Variants in CDH23 observed in about 807,000 individuals in gnomAD.
The protein encoded by CDH23 is cadherin related 23, also known as cadherin-23.
In CDH23, 189 loss-of-function variants were observed where a neutral mutation model predicts 317.1. The ratio of observed to expected loss-of-function variants is 0.60; its 90% CI spans 0.53 to 0.67. The LOEUF (loss-of-function observed/expected upper bound fraction) is 0.67, where lower values mean the gene tolerates loss of function less well. CDH23 is among the 30% of genes least tolerant of loss of function. The pLI is 0.00. For missense variants in CDH23, 4,401 were observed against 4,592.4 expected (o/e 0.96, Z 1.20); for synonymous variants, 1,839 against 1,876.8 (o/e 0.98, Z 0.52).
intron 38 of CDH23, among the ~76,000 whole-genome samples, chr10:71,752,360 C>T (rs1444464434): frequency 1.3e-5 from 2 of 152,222 alleles, no homozygotes; most frequent in African/African-American, 4.8e-5. Context: ...TTCCTTCAAC[C>T]TGTCTTGAAG....
At chr10:71,544,129 C>G (rs548589704) in intron 6 of CDH23, among the ~76,000 whole-genome samples, 9 of 152,122 alleles carry the variant, frequency 5.9e-5, no homozygotes, top group Non-Finnish European at 1.3e-4. Flanking sequence ...ATTCACCTGG[C>G]TTTATTATAG....
chr10:71,795,176 G>C (rs901570394), intron 48 of CDH23, among the ~76,000 whole-genome samples: 2 of 152,162 alleles, frequency 1.3e-5, no homozygotes, highest in Non-Finnish European at 2.9e-5. Flanking sequence ...ATGACTGCCT[G>C]AGGGGAGAAG....
intron 41 of CDH23, among the ~76,000 whole-genome samples, chr10:71,783,303 CCT>C (rs1489585224): frequency 6.6e-6 from 1 of 152,204 alleles, no homozygotes; most frequent in African/African-American, 2.4e-5. Context: ...TTTCCTTCCC[CCT>C]GTCTCTTCTC....
rs760365606 is a variant in CDH23 at position 71,566,723 on chromosome 10, G to A, written c.430-19G>A. On this transcript the variant is annotated intron_variant, in intron 6 of 69. Transcript: ENST00000224721. ...TCCGCACTGGCTCACCCTTGTACTT[G>A]CTTTGCTCTCATCCCCAGAATACAC... 1 of 1,572,824 alleles carries A rather than the reference G, an allele frequency of 6.4e-7. No individual in the cohort carries two copies. Among genetic ancestry groups the A allele is most frequent in the Non-Finnish European group, 8.7e-7 (1 of 1,154,486 alleles).
intron 18 of CDH23, among the ~76,000 whole-genome samples, chr10:71,685,826 C>G (rs540512697): frequency 5.9e-5 from 9 of 152,368 alleles, no homozygotes; most frequent in African/African-American, 1.9e-4. Context: ...AGGTCACCAC[C>G]TTCAGGGTGA....
At position 71,736,474 on chromosome 10, in the gene CDH23, G is replaced by A. The variant is rs181226894; in HGVS notation, c.4209+1816G>A. On this transcript the variant is annotated intron_variant, in intron 34 of 69. Transcript: ENST00000224721. ...GACCAGAAGGGGCAGGCTGGGTAGGGCATGGCTCTGCTATAAGAGCTCTTG... is the reference window on the plus strand; with the variant it reads ...GACCAGAAGGGGCAGGCTGGGTAGGACATGGCTCTGCTATAAGAGCTCTTG... 9.3e-3 allele frequency among the ~76,000 whole-genome samples: 1,415 copies of A among 152,346 alleles called. 10 individuals are homozygous for A. The highest frequency in any genetic ancestry group is 0.014 in the Non-Finnish European group (952 of 68,026).
At chr10:71,570,956 T>C (rs771150632) in intron 8 of CDH23, 38 bp downstream of exon 8, 1 of 1,608,594 alleles carries the variant, frequency 6.2e-7, no homozygotes, top group Non-Finnish European at 8.5e-7. Flanking sequence ...AAGTCCCTTC[T>C]CAGAGGGACT....
At chr10:71,475,202 G>A (rs1414052315) in intron 3 of CDH23, among the ~76,000 whole-genome samples, 1 of 152,228 alleles carries the variant, frequency 6.6e-6, no homozygotes, top group African/African-American at 2.4e-5. Flanking sequence ...AGCACAGGGA[G>A]GCATTCACCT....
chr10:71,612,749 C>A (rs1216137150), intron 9 of CDH23, among the ~76,000 whole-genome samples: 1 of 152,184 alleles, frequency 6.6e-6, no homozygotes, highest in African/African-American at 2.4e-5. Context: ...GCCTTAGGGG[C>A]TCAGAGGACC....
In CDH23 at chr10:71,739,712, T is replaced by C. The variant is rs1262412968; in HGVS notation, c.4428T>C (p.Ile1476=). ...AGATCGTCACCACCAATGACTCCAT[T>C]GGCGAAGTGTTTGTGGCCAGGCCCC... ...AFEIVTTNDS[I]GEVFVARPLD... The change falls in exon 36 of 70, where the codon ATT becomes ATC. Residue 1476 remains isoleucine (I), a synonymous_variant. Coordinates refer to ENST00000224721, the MANE Select transcript of CDH23 (RefSeq NM_022124.6). The C allele has an allele frequency of 6.2e-7, 1 of 1,613,408 alleles. No individual in the cohort carries two copies. The highest frequency in any genetic ancestry group is 8.5e-7 in the Non-Finnish European group (1 of 1,179,744).
chr10:71,784,824 C>T, intron 42 of CDH23, 67 bp from the exon 43 acceptor site: 2 of 1,357,160 alleles, frequency 1.5e-6, no homozygotes, highest in South Asian at 1.2e-5. Context: ...CGAACCTCCT[C>T]CTCGGTTGCC....
intron 30 of CDH23, among the ~76,000 whole-genome samples, chr10:71,730,255 T>G (rs890998253): frequency 6.6e-6 from 1 of 152,184 alleles, no homozygotes; most frequent in Non-Finnish European, 1.5e-5. Context: ...TGAAGTTCAT[T>G]CCGAAACAAG....
At chr10:71,810,126 G>C in intron 61 of CDH23, 50 bp downstream of exon 61, 1 of 1,599,764 alleles carries the variant, frequency 6.3e-7, no homozygotes, top group Non-Finnish European at 8.5e-7. Context: ...AGAAGGAAGG[G>C]GAGGCCAGGC....
chr10:71,524,297 C>T (rs1854889956), intron 6 of CDH23, among the ~76,000 whole-genome samples: 1 of 152,146 alleles, frequency 6.6e-6, no homozygotes, highest in Admixed American at 6.5e-5. Context: ...CCGTCCCTGC[C>T]CTCAGGGAGC....
At position 71,679,498 on chromosome 10, in the gene CDH23, T is replaced by C. The variant is rs745522676; in HGVS notation, c.1858+6T>C. On this transcript the variant is annotated splice_donor_region_variant and intron_variant, in intron 17 of 69. Transcript: ENST00000224721. ...CCTGTACGAGGGCTATGGAGGTAGG[T>C]GTGGGGCAGAACTCGGGGCCCAGCC... 140 of 1,601,284 alleles carry C rather than the reference T, an allele frequency of 8.7e-5. No individual in the cohort carries two copies. The highest frequency in any genetic ancestry group is 1.2e-4 in the Non-Finnish European group (138 of 1,173,332).
At chr10:71,464,572 G>T (rs1357113372) in intron 3 of CDH23, among the ~76,000 whole-genome samples, 2 of 151,426 alleles carry the variant, frequency 1.3e-5, no homozygotes, top group African/African-American at 4.8e-5. Context: ...TCATCTGGAA[G>T]CAATTCTGCT....
intron 6 of CDH23, among the ~76,000 whole-genome samples, chr10:71,538,831 A>C (rs1051788214): frequency 6.6e-6 from 1 of 152,140 alleles, no homozygotes; most frequent in Non-Finnish European, 1.5e-5. Context: ...CCAGTGTGGG[A>C]GTTCTTACCG....
At chr10:71,587,649 G>A (rs1589238356) in intron 9 of CDH23, among the ~76,000 whole-genome samples, 1 of 152,212 alleles carries the variant, frequency 6.6e-6, no homozygotes, top group Non-Finnish European at 1.5e-5. Context: ...ACCTTTCCAG[G>A]TTATGGGCAT....
chr10:71,441,129 A>G (rs1849856080), intron 2 of CDH23, among the ~76,000 whole-genome samples: 1 of 152,132 alleles, frequency 6.6e-6, no homozygotes, highest in Non-Finnish European at 1.5e-5. Flanking sequence ...TTTAACTCCC[A>G]GCTCATTTTA....
Sources: allele counts gnomAD v4.1 joint callset (sites outside exome capture counted in the v4.1 genomes callset), GRCh38; gene constraint gnomAD v4.1.1; transcripts MANE v1.5; gene names NCBI Gene and HGNC (gene_info 2026-07-23, HGNC 2026-07-21).